The following PRKD1 variants were observed in gnomAD, a reference collection of about 807,000 sequenced individuals.
PRKD1 encodes the protein protein kinase D1.
In PRKD1, 63 loss-of-function variants were observed where a neutral mutation model predicts 95.9. The ratio of observed to expected loss-of-function variants is 0.66; its 90% confidence interval spans 0.54 to 0.81. The LOEUF (loss-of-function observed/expected upper bound fraction) is 0.81. PRKD1 is among the 30% of genes least tolerant of loss of function. The pLI, the probability that PRKD1 is intolerant of heterozygous loss-of-function variation, is 0.00. For missense variants in PRKD1, 1,048 were observed against 1,165.3 expected (o/e 0.90, Z 1.47); for synonymous variants, 425 against 423.1 (o/e 1.00, Z -0.05).
At chr14:29,861,490 C>A (rs1892707062) in intron 1 of PRKD1, among the ~76,000 whole-genome samples, 1 of 152,122 alleles carries the variant, frequency 6.6e-6, no homozygotes, top group African/African-American at 2.4e-5. Flanking sequence ...GCATGCAATG[C>A]ATAATAATCA....
chr14:29,901,988 G>A (rs903074609), intron 1 of PRKD1, among the ~76,000 whole-genome samples: 1 of 152,116 alleles, frequency 6.6e-6, no homozygotes, highest in Non-Finnish European at 1.5e-5. Context: ...ATCTATATAG[G>A]ACAATAACTT....
chr14:29,762,962 T>G (rs1314521361), intron 1 of PRKD1, among the ~76,000 whole-genome samples: 3 of 151,868 alleles, frequency 2.0e-5, no homozygotes, highest in African/African-American at 7.3e-5. Flanking sequence ...CAGGCTGATC[T>G]TGAACTCGTG....
intron 16 of PRKD1, among the ~76,000 whole-genome samples, chr14:29,585,765 G>A (rs181677319): frequency 6.6e-6 from 1 of 152,248 alleles, no homozygotes; most frequent in East Asian, 1.9e-4. Context: ...TGCAGATTAT[G>A]TTTATTTTAC....
chr14:29,700,963 TACGC>T (rs1234105565), intron 2 of PRKD1, among the ~76,000 whole-genome samples: 3,250 of 48,300 alleles, frequency 0.067, 148 homozygotes, highest in African/African-American at 0.33. Context: ...CATTTGTGTG[TACGC>T]GTGCGCATGC....
intron 13 of PRKD1, among the ~76,000 whole-genome samples, chr14:29,616,243 CAAAAAAAAAAAA>C (rs72142312): frequency 8.8e-5 from 3 of 33,958 alleles, no homozygotes; most frequent in African/African-American, 3.8e-4. Flanking sequence ...AGAGTATGGC[CAAAAAAAAAAAA>C]AAAAAAAAAA....
At chr14:29,803,494 TGG>T (rs1890116442) in intron 1 of PRKD1, among the ~76,000 whole-genome samples, 3 of 152,232 alleles carry the variant, frequency 2.0e-5, no homozygotes, top group Admixed American at 6.5e-5. Flanking sequence ...AAAACATAGT[TGG>T]TAACTCTGAA....
At chr14:29,600,152 C>T (rs1409417447) in intron 13 of PRKD1, among the ~76,000 whole-genome samples, 1 of 152,074 alleles carries the variant, frequency 6.6e-6, no homozygotes, top group Non-Finnish European at 1.5e-5. Context: ...ACATATTGTC[C>T]TAACTAAGCA....
chr14:29,605,235 G>T (rs960357259), intron 13 of PRKD1, among the ~76,000 whole-genome samples: 5 of 152,126 alleles, frequency 3.3e-5, no homozygotes, highest in Admixed American at 1.3e-4. Flanking sequence ...AGGTGATTCT[G>T]ATGCTACCAT....
intron 2 of PRKD1, among the ~76,000 whole-genome samples, chr14:29,700,963 TACGCGTGCGCATGCGC>T (rs1460578776): frequency 2.9e-4 from 14 of 48,260 alleles, no homozygotes; most frequent in Non-Finnish European, 3.7e-4. Context: ...CATTTGTGTG[TACGCGTGCGCATGCGC>T]GCGCGCGCGC....
At chr14:29,920,257 T>C (rs1005464149) in intron 1 of PRKD1, among the ~76,000 whole-genome samples, 2 of 152,144 alleles carry the variant, frequency 1.3e-5, no homozygotes, top group Non-Finnish European at 2.9e-5. Context: ...AAAATCACTC[T>C]AAAGTAATGC....
intron 13 of PRKD1, among the ~76,000 whole-genome samples, chr14:29,603,951 C>T (rs974525612): frequency 5.9e-5 from 9 of 152,052 alleles, no homozygotes; most frequent in Non-Finnish European, 8.8e-5. Context: ...GACATATTCA[C>T]GGGGTGAATA....
chr14:29,842,084 G>C (rs1231055592), intron 1 of PRKD1, among the ~76,000 whole-genome samples: 3 of 152,104 alleles, frequency 2.0e-5, no homozygotes, highest in Non-Finnish European at 4.4e-5. Flanking sequence ...TGTCCCACTG[G>C]AATGTATTTG....
chr14:29,626,317 A>G (rs1879618431), intron 12 of PRKD1, among the ~76,000 whole-genome samples, 167 bp downstream of exon 12: 2 of 152,218 alleles, frequency 1.3e-5, no homozygotes, highest in Admixed American at 6.5e-5. Flanking sequence ...TTTTCCAAGT[A>G]GTAACTATCT....
chr14:29,862,644 T>A (rs1347015077), intron 1 of PRKD1, among the ~76,000 whole-genome samples: 1 of 152,238 alleles, frequency 6.6e-6, no homozygotes, highest in Non-Finnish European at 1.5e-5. Flanking sequence ...TTTTCTTATG[T>A]CTGTTTGCCA....
In PRKD1 at chr14:29,839,233, G is replaced by A. The variant is rs185406367; in HGVS notation, c.264+88016C>T. Among the ~76,000 whole-genome samples the A allele has an allele frequency of 4.6e-5, 7 of 152,308 alleles. No homozygotes were observed. The East Asian group carries it at 1.2e-3, about 25-fold the overall frequency. On this transcript the variant is annotated intron_variant, in intron 1 of 17. Coordinates refer to ENST00000331968, the MANE Select transcript of PRKD1 (RefSeq NM_002742.3). ...AAGTTGACTAAATTTTCCAGTTGAT[G>A]GATGCCAAAACTTTTGCACCCAGAT...
chr14:29,803,955 T>C (rs371090532), intron 1 of PRKD1, among the ~76,000 whole-genome samples: 31 of 152,096 alleles, frequency 2.0e-4, no homozygotes, highest in South Asian at 1.7e-3. Context: ...AAAACAAATG[T>C]ATGCGGCCGG....
intron 2 of PRKD1, among the ~76,000 whole-genome samples, chr14:29,689,537 G>T (rs1884106558): frequency 6.6e-6 from 1 of 152,166 alleles, no homozygotes; most frequent in African/African-American, 2.4e-5. Flanking sequence ...ATATAAATTA[G>T]TTCAGCCATT....
At chr14:29,853,985 G>A (rs1255480029) in intron 1 of PRKD1, among the ~76,000 whole-genome samples, 4 of 152,274 alleles carry the variant, frequency 2.6e-5, no homozygotes, top group African/African-American at 9.6e-5. Flanking sequence ...AGAACTGTAA[G>A]TCCATTAAAC....
intron 1 of PRKD1, among the ~76,000 whole-genome samples, chr14:29,915,787 C>A (rs997538439): frequency 6.6e-6 from 1 of 152,198 alleles, no homozygotes; most frequent in Admixed American, 6.5e-5. Flanking sequence ...TAAATTTCCT[C>A]CCATAATCTG....
Sources: gnomAD v4.1 joint callset for allele counts (sites outside exome capture counted in the v4.1 genomes callset) on GRCh38, gnomAD v4.1.1 for gene constraint, MANE v1.5 for transcripts, NCBI Gene and HGNC (gene_info 2026-07-23, HGNC 2026-07-21) for gene names.